Variants in SNRNP35 observed in about 807,000 individuals in gnomAD.
SNRNP35 encodes small nuclear ribonucleoprotein U11/U12 subunit 35, also known as U11/U12 small nuclear ribonucleoprotein 35 kDa protein.
Under a neutral mutation model 24.3 loss-of-function variants are expected in SNRNP35, and 16 were observed. That is an observed-to-expected ratio of 0.66 (90% CI 0.45 to 1.00). The LOEUF (loss-of-function observed/expected upper bound fraction) is 1.00, where lower values mean the gene tolerates loss of function less well. Ranked by LOEUF, SNRNP35 falls within the 50% of genes least tolerant of loss-of-function variation. The pLI is 0.00. For synonymous variants in SNRNP35, 106 were observed against 124.8 expected (o/e 0.85, Z 1.00); for missense variants, 292 against 327.2 (o/e 0.89, Z 0.83).
chr12:123,472,821 G>T, exon 2 of SNRNP35: 1 of 874,652 alleles, frequency 1.1e-6, no homozygotes, highest in Non-Finnish European at 1.7e-6. Context: ...AAAGTTGGGG[G>T]TGCAGGTCAA....
At chr12:123,473,110 T>C (rs1287606426) in exon 2 of SNRNP35, 1 of 180,980 alleles carries the variant, frequency 5.5e-6, no homozygotes, top group East Asian at 1.4e-4. Context: ...ATTTCTAATT[T>C]AAATAGTTCT....
downstream of SNRNP35, among the ~76,000 whole-genome samples, chr12:123,468,358 C>CAAAA (rs62816460): frequency 2.2e-3 from 200 of 92,210 alleles, 2 homozygotes; most frequent in African/African-American, 8.8e-3. Context: ...GACTCTGTCT[C>CAAAA]AAAAAAAAAA....
At chr12:123,471,503 G>A (rs970917174), downstream of SNRNP35, 1 of 152,256 alleles carries the variant, frequency 6.6e-6, no homozygotes, top group Non-Finnish European at 1.5e-5. Context: ...TGCTTGGCGG[G>A]TGGAGAGAAA....
Position 123,465,561 on chromosome 12 carries a change from C to A in SNRNP35, c.21C>A (p.Ile7=), listed in dbSNP as rs775399833. 6.4e-7 allele frequency: 1 copy of A among 1,553,474 alleles called. No individual in the cohort carries two copies. Among genetic ancestry groups the A allele is most frequent in the South Asian group, 1.2e-5 (1 of 80,876 alleles). MNDWMP[I]AKEYDPLKAG... ...AGAACATGAACGATTGGATGCCCAT[C>A]GCCAAGGAGTATGATCCACTCAAAG... The change falls in exon 2 of 2, where the codon ATC becomes ATA. Residue 7 remains isoleucine, a synonymous_variant. Transcript: ENST00000526639. This position sits in a 1 kb window ranked among gnomAD's most constrained non-coding sequence, Gnocchi z 4.2.
intron 1 of SNRNP35, among the ~76,000 whole-genome samples, chr12:123,462,605 C>G (rs536721773): frequency 3.8e-4 from 57 of 150,726 alleles, no homozygotes; most frequent in South Asian, 8.4e-4. Context: ...CTCCTGGGTT[C>G]AGCCTCCCAA....
chr12:123,465,893 A>G lies in SNRNP35; in HGVS notation c.353A>G (p.Asp118Gly). The G allele has an allele frequency of 6.2e-7, 1 of 1,613,810 alleles. No individual in the cohort carries two copies. The highest frequency in any genetic ancestry group is 1.3e-5 in the African/African-American group (1 of 74,938). Residue 118 changes from aspartate (D) to glycine (G), a missense_variant, in exon 2 of 2, where the codon GAC (aspartate) becomes GGC (glycine). Asp to Gly is a moderately conservative substitution (Grantham distance 94). Transcript: ENST00000526639. This position sits in a 1 kb window ranked among gnomAD's most constrained non-coding sequence, Gnocchi z 4.2. ...CGAGATGCTGATGGCCTGGTTATTG[A>G]CCAGCATGAGATATTTGTGGACTAC... is the stretch of plus-strand genomic sequence containing the variant. ...AYRDADGLVI[D>G]QHEIFVDYEL...
chr12:123,462,737 C>T (rs112541373), intron 1 of SNRNP35, among the ~76,000 whole-genome samples: 2 of 151,948 alleles, frequency 1.3e-5, no homozygotes, highest in South Asian at 2.1e-4. Context: ...GTGATCCTCC[C>T]GTCTTGGCCT....
chr12:123,468,071 C>T (rs1881036749), downstream of SNRNP35, among the ~76,000 whole-genome samples: 1 of 152,058 alleles, frequency 6.6e-6, no homozygotes, highest in African/African-American at 2.4e-5. Context: ...TGAAAACATG[C>T]ACACTTGGCT....
intron 1 of SNRNP35, chr12:123,459,830 G>C (rs897232003): frequency 2.5e-6 from 4 of 1,575,284 alleles, no homozygotes; most frequent in Non-Finnish European, 3.4e-6. Flanking sequence ...ATTGTTGTAG[G>C]AAATCTCAAC....
At chr12:123,472,750 A>T in exon 2 of SNRNP35, 1 of 1,530,866 alleles carries the variant, frequency 6.5e-7, no homozygotes, top group South Asian at 1.2e-5. Flanking sequence ...GTTTTTTGCA[A>T]TGCCGGAGAC....
downstream of SNRNP35, among the ~76,000 whole-genome samples, chr12:123,469,159 T>G (rs138371164): frequency 2.4e-4 from 37 of 152,244 alleles, no homozygotes; most frequent in South Asian, 4.1e-4. Flanking sequence ...CCACTGTCTT[T>G]TCTTTTTTTT....
In SNRNP35 at chr12:123,466,683, G is replaced by C. The variant is rs1270445401; in HGVS notation, c.*402G>C. ...CCTGCCTCAGCCTCCCCAGTAGTTG[G>C]GATTACAGGCATGTGCCACCATGCC... On this transcript the variant is annotated 3_prime_UTR_variant, in exon 2 of 2. Coordinates refer to ENST00000526639, the MANE Select transcript of SNRNP35 (RefSeq NM_022717.4). 6.4e-6 allele frequency: 1 copy of C among 155,448 alleles called. No homozygotes were observed. The highest frequency in any genetic ancestry group is 1.4e-5 in the Non-Finnish European group (1 of 70,472). 9.6% of individuals were successfully genotyped at this position (155,448 alleles called of 1,614,324 possible).
intron 1 of SNRNP35, among the ~76,000 whole-genome samples, chr12:123,462,790 A>G (rs1736535997): frequency 6.6e-6 from 1 of 151,730 alleles, no homozygotes; most frequent in Non-Finnish European, 1.5e-5. Context: ...TGCCCGGCCT[A>G]GTGTCAGAGG....
In SNRNP35 at chr12:123,465,284, G is replaced by A. The variant is rs899036139; in HGVS notation, c.-3-254G>A. Among the ~76,000 whole-genome samples the A allele has an allele frequency of 5.3e-5, 8 of 152,156 alleles. No homozygotes were observed. In the East Asian group the frequency reaches 5.8e-4, roughly 11 times the overall value. ...GATGCTGCATATATGGGTGAAACCC[G>A]AGCACGCTGCCCTCTGCTTCCTGAG... is the stretch of plus-strand genomic sequence containing the variant. On this transcript the variant is annotated intron_variant, in intron 1 of 1. Transcript: ENST00000526639. This position sits in a 1 kb window ranked among gnomAD's most constrained non-coding sequence, Gnocchi z 4.2.
At chr12:123,460,493 C>T (rs1880545928) in intron 1 of SNRNP35, among the ~76,000 whole-genome samples, 3 of 148,680 alleles carry the variant, frequency 2.0e-5, no homozygotes, top group South Asian at 4.3e-4. Flanking sequence ...AGGCTGGGTT[C>T]GCTGGCTCAC....
downstream of SNRNP35, among the ~76,000 whole-genome samples, chr12:123,468,068 A>T (rs745993058): frequency 6.6e-6 from 1 of 152,102 alleles, no homozygotes; most frequent in Non-Finnish European, 1.5e-5. Context: ...GATTGAAAAC[A>T]TGCACACTTG....
At chr12:123,469,328 T>C (rs1006437511), downstream of SNRNP35, among the ~76,000 whole-genome samples, 1 of 151,976 alleles carries the variant, frequency 6.6e-6, no homozygotes, top group Admixed American at 6.6e-5. Context: ...CTAATTTTTG[T>C]ATTTTTAGTA....
At chr12:123,464,269 T>G (rs2139287650) in intron 1 of SNRNP35, among the ~76,000 whole-genome samples, 1 of 146,434 alleles carries the variant, frequency 6.8e-6, no homozygotes, top group South Asian at 2.2e-4. Context: ...AGATGGAGTC[T>G]TGCTCTGTCG....
intron 1 of SNRNP35, among the ~76,000 whole-genome samples, chr12:123,458,784 C>T (rs1880432174): frequency 2.0e-5 from 3 of 151,552 alleles, no homozygotes; most frequent in Admixed American, 1.3e-4. Context: ...TTACTGGAGA[C>T]GGGGTTTCAC....
Sources: allele counts gnomAD v4.1 joint callset (sites outside exome capture counted in the v4.1 genomes callset), GRCh38; gene constraint gnomAD v4.1.1; non-coding constraint Gnocchi (gnomAD v3.1); transcripts MANE v1.5; gene names NCBI Gene and HGNC (gene_info 2026-07-23, HGNC 2026-07-21).